ARHGAP22: variants seen among roughly 807,000 people sequenced by gnomAD.
ARHGAP22 encodes the protein Rho GTPase activating protein 22.
ARHGAP22 carries 48 observed loss-of-function variants against 59.1 expected under a neutral mutation model. The observed-to-expected ratio is 0.81, with a 90% CI of 0.64 to 1.03. ARHGAP22 has a LOEUF of 1.03. Ranked by LOEUF, ARHGAP22 falls within the 50% of genes least tolerant of loss-of-function variation. The pLI is 0.00. For missense variants in ARHGAP22, 1,015 were observed against 958.7 expected, an observed-to-expected ratio of 1.06 and a Z score of -0.78; for synonymous variants, 445 against 416.4, an observed-to-expected ratio of 1.07 and a Z score of -0.84.
chr10:48,645,066 G>A (rs1305676269), intron 1 of ARHGAP22, among the ~76,000 whole-genome samples: 1 of 152,126 alleles, frequency 6.6e-6, no homozygotes, highest in East Asian at 1.9e-4. Flanking sequence ...TAATGAAAAA[G>A]GGGACATAAT....
At chr10:48,488,561 G>C (rs1341888305) in intron 3 of ARHGAP22, among the ~76,000 whole-genome samples, 1 of 152,204 alleles carries the variant, frequency 6.6e-6, no homozygotes, top group African/African-American at 2.4e-5. Flanking sequence ...TTGCCTCTAA[G>C]ATTTGTTAGG....
chr10:48,611,354 C>G (rs1051426509), intron 1 of ARHGAP22, among the ~76,000 whole-genome samples: 4 of 152,142 alleles, frequency 2.6e-5, no homozygotes, highest in Admixed American at 1.3e-4. Flanking sequence ...TATGGCAGTC[C>G]TGTTTCTGGG....
intron 4 of ARHGAP22, among the ~76,000 whole-genome samples, chr10:48,466,950 A>G (rs1450593468): frequency 6.6e-6 from 1 of 152,066 alleles, no homozygotes; most frequent in East Asian, 1.9e-4. Flanking sequence ...CCTGCTTTGG[A>G]GCGCCCGCTT....
At chr10:48,540,558 A>G (rs1468367025) in intron 3 of ARHGAP22, among the ~76,000 whole-genome samples, 1 of 152,146 alleles carries the variant, frequency 6.6e-6, no homozygotes, top group East Asian at 1.9e-4. Context: ...TATATGGAGG[A>G]AGCAGGCCCA....
chr10:48,574,982 A>T (rs1588886274), intron 2 of ARHGAP22: 1 of 152,154 alleles, frequency 6.6e-6, no homozygotes, highest in Non-Finnish European at 1.5e-5. Flanking sequence ...GGCGGAAGGT[A>T]TTTGGATCAT....
At chr10:48,580,558 G>A (rs1335541601) in intron 2 of ARHGAP22, among the ~76,000 whole-genome samples, 1 of 152,160 alleles carries the variant, frequency 6.6e-6, no homozygotes, top group East Asian at 1.9e-4. Flanking sequence ...TGACAGTAAG[G>A]GTCCAGGCAG....
rs569476238 is a variant in ARHGAP22 at position 48,483,365 on chromosome 10, C to T, written c.323-3601G>A. On this transcript the variant is annotated intron_variant, in intron 3 of 9. Coordinates refer to ENST00000249601, the MANE Select transcript of ARHGAP22 (RefSeq NM_021226.4). ...TTTTCCCCCAAAAATTTGCAACCTC[C>T]GGCATAAATGGGTTAATTCCTTTGA... is the stretch of plus-strand genomic sequence containing the variant. 6.2e-4 allele frequency among the ~76,000 whole-genome samples: 94 copies of T among 152,260 alleles called. 1 individual carries two copies. The highest frequency in any genetic ancestry group is 1.8e-3 in the African/African-American group (75 of 41,562).
At chr10:48,636,507 G>T (rs1050053334) in intron 1 of ARHGAP22, among the ~76,000 whole-genome samples, 2 of 152,194 alleles carry the variant, frequency 1.3e-5, no homozygotes, top group Non-Finnish European at 1.5e-5. Context: ...CTGAGACCCT[G>T]CCCTGAATCC....
chr10:48,449,164 T>C (rs1287137854), intron 9 of ARHGAP22, among the ~76,000 whole-genome samples: 1 of 152,240 alleles, frequency 6.6e-6, no homozygotes, highest in African/African-American at 2.4e-5. Flanking sequence ...CCCTGTAGTT[T>C]GGTCTGTGAG....
intron 3 of ARHGAP22, among the ~76,000 whole-genome samples, chr10:48,515,928 C>T (rs73298215): frequency 0.011 from 1,669 of 151,860 alleles, 36 homozygotes; most frequent in African/African-American, 0.038. Flanking sequence ...GCAGGAAGAT[C>T]GCTTGAGCCC....
intron 3 of ARHGAP22, among the ~76,000 whole-genome samples, chr10:48,481,842 G>A (rs1019266967): frequency 1.3e-5 from 2 of 152,096 alleles, no homozygotes; most frequent in Non-Finnish European, 2.9e-5. Context: ...GTTTGAATTT[G>A]CATTTCCCAA....
rs142306892 is a variant in ARHGAP22 at position 48,533,817 on chromosome 10, G to A, written c.322+21646C>T. ...TACAGTGTTTTAAAAGAATTTTAGAGCATCTGGGAAGTAATTTCCTCTTAA... is the reference window on the plus strand; with the variant it reads ...TACAGTGTTTTAAAAGAATTTTAGAACATCTGGGAAGTAATTTCCTCTTAA... On this transcript the variant is annotated intron_variant, in intron 3 of 9. Coordinates refer to ENST00000249601, the MANE Select transcript of ARHGAP22 (RefSeq NM_021226.4). 2.3e-3 allele frequency among the ~76,000 whole-genome samples: 350 copies of A among 152,350 alleles called. 1 individual carries two copies. The highest frequency in any genetic ancestry group is 3.9e-3 in the Non-Finnish European group (268 of 68,030).
At chr10:48,527,455 A>G (rs1298092517) in intron 3 of ARHGAP22, among the ~76,000 whole-genome samples, 1 of 142,858 alleles carries the variant, frequency 7.0e-6, no homozygotes, top group Non-Finnish European at 1.5e-5. Context: ...AGGTGTGGAT[A>G]GGTGAATAGA....
intron 1 of ARHGAP22, among the ~76,000 whole-genome samples, chr10:48,603,861 G>GC (rs770692695): frequency 5.3e-5 from 8 of 152,162 alleles, no homozygotes; most frequent in Non-Finnish European, 1.2e-4. Context: ...GAGGCTGGAG[G>GC]CCCCCCGCTG....
chr10:48,456,997 C>T (rs76922170), intron 5 of ARHGAP22, among the ~76,000 whole-genome samples: 4,235 of 152,164 alleles, frequency 0.028, 215 homozygotes, highest in Admixed American at 0.15. Context: ...TCCCAGCATG[C>T]GGCGACATTA....
intron 1 of ARHGAP22, among the ~76,000 whole-genome samples, chr10:48,650,146 CTTTTTTT>C (rs11386532): frequency 0.03 from 2,498 of 82,100 alleles, 90 homozygotes; most frequent in African/African-American, 0.1. Context: ...GCTGGAGACT[CTTTTTTT>C]TTTTTTTTTT....
At chr10:48,511,845 G>A (rs1016539271) in intron 3 of ARHGAP22, among the ~76,000 whole-genome samples, 20 of 152,236 alleles carry the variant, frequency 1.3e-4, no homozygotes, top group Non-Finnish European at 2.6e-4. Context: ...GATGAGCACT[G>A]AGTTAAAAAT....
At chr10:48,569,150 G>A (rs191584684) in intron 2 of ARHGAP22, among the ~76,000 whole-genome samples, 32 of 152,336 alleles carry the variant, frequency 2.1e-4, no homozygotes, top group African/African-American at 6.3e-4. Flanking sequence ...GGTATATGGT[G>A]TCTCTGTGAG....
chr10:48,540,238 A>C (rs1232566398), intron 3 of ARHGAP22, among the ~76,000 whole-genome samples: 1 of 152,238 alleles, frequency 6.6e-6, no homozygotes, highest in Non-Finnish European at 1.5e-5. Flanking sequence ...GAGATCAGGC[A>C]GGTAAGATAA....
Sources: gnomAD v4.1 joint callset for allele counts (sites outside exome capture counted in the v4.1 genomes callset) on GRCh38, gnomAD v4.1.1 for gene constraint, MANE v1.5 for transcripts, NCBI Gene and HGNC (gene_info 2026-07-23, HGNC 2026-07-21) for gene names.